ANK2: variants seen among roughly 807,000 people sequenced by gnomAD.
The protein encoded by ANK2 is ankyrin 2.
Under a neutral mutation model 360.5 loss-of-function variants are expected in ANK2, and 83 were observed. The ratio of observed to expected loss-of-function variants is 0.23; its 90% confidence interval spans 0.19 to 0.28. ANK2 has a LOEUF of 0.28. Ranked by LOEUF, ANK2 falls within the 10% of genes least tolerant of loss-of-function variation. The pLI, the probability that ANK2 is intolerant of heterozygous loss-of-function variation, is 1.00. For synonymous variants in ANK2, 1,740 were observed against 1,759.5 expected (o/e 0.99, Z 0.28); for missense variants, 4,201 against 4,795.7 (o/e 0.88, Z 3.66).
At chr4:112,738,717 A>G in the ANK2 span, 1 of 613,098 alleles carries the variant, frequency 1.6e-6, no homozygotes, top group African/African-American at 1.8e-5. Flanking sequence ...CATTAAAAAG[A>G]GAACCAAGAA....
intron 1 of ANK2, among the ~76,000 whole-genome samples, chr4:113,089,185 G>A (rs6819998): frequency 0.2 from 30,498 of 152,086 alleles, 3,530 homozygotes; most frequent in East Asian, 0.59. Context: ...AGATTAAATG[G>A]TGGGAAATAG....
intron 4 of ANK2, among the ~76,000 whole-genome samples, chr4:113,218,196 T>G (rs972032337): frequency 1.3e-5 from 2 of 152,204 alleles, no homozygotes; most frequent in Admixed American, 6.5e-5. Context: ...TAATATGATA[T>G]GAAACAAGAC....
chr4:112,902,220 G>T (rs1216761876), intron 1 of ANK2, among the ~76,000 whole-genome samples: 3 of 152,240 alleles, frequency 2.0e-5, no homozygotes, highest in African/African-American at 7.2e-5. Flanking sequence ...ATGGGAGCTG[G>T]AAGCAAGGAC....
intron 2 of ANK2, among the ~76,000 whole-genome samples, chr4:113,192,071 T>A (rs984881509): frequency 8.5e-5 from 13 of 152,336 alleles, no homozygotes; most frequent in South Asian, 6.2e-4. Context: ...TTTTCTTTTT[T>A]AAAAAATTTT....
chr4:113,339,934 G>A (rs146072924), intron 32 of ANK2, among the ~76,000 whole-genome samples: 6 of 152,324 alleles, frequency 3.9e-5, no homozygotes, highest in African/African-American at 1.4e-4. Context: ...GAGACATTAT[G>A]TCCATTTTAC....
In ANK2 at chr4:113,355,268, G is replaced by A. The variant is rs776114267; in HGVS notation, c.6650G>A (p.Ser2217Asn). ...NEGVAGSPCGSLMEGTPQISS... is the reference protein window; with the variant it reads ...NEGVAGSPCGNLMEGTPQISS... ...GGGGTAGCCGGCTCTCCGTGTGGCA[G>A]CCTGATGGAGGGGACCCCTCAGATT... Residue 2217 changes from serine (S) to asparagine (N), a missense_variant, in exon 38 of 46, where the codon AGC (serine) becomes AAC (asparagine). Physicochemically the swap from Ser to Asn is conservative, Grantham distance 46. Around this residue, in one of 4 missense-constraint regions of ANK2, gnomAD observed 2,642 missense variants for 2,714.5 expected, o/e 0.97. Coordinates refer to ENST00000357077, the MANE Select transcript of ANK2 (RefSeq NM_001148.6). The A allele has an allele frequency of 6.2e-7, 1 of 1,614,056 alleles. No homozygotes were observed.
rs767977681 is a variant in ANK2 at position 113,288,511 on chromosome 4, A to G, written c.2277+25A>G. On this transcript the variant is annotated intron_variant, in intron 20 of 45. Coordinates refer to ENST00000357077, the MANE Select transcript of ANK2 (RefSeq NM_001148.6). ...GGTAAAGTACTTGTGGTCATTTTCA[A>G]TTCCTATAAGCAAAAAGGTTCAGCC... 5.7e-6 allele frequency: 9 copies of G among 1,591,218 alleles called. No individual in the cohort carries two copies. The African/African-American group carries it at 9.4e-5, about 17-fold the overall frequency.
intron 24 of ANK2, among the ~76,000 whole-genome samples, chr4:113,316,593 T>G (rs1269117545): frequency 6.6e-6 from 1 of 152,262 alleles, no homozygotes; most frequent in Non-Finnish European, 1.5e-5. Flanking sequence ...GAAAGTTTGC[T>G]TCTATAAATA....
chr4:113,145,505 G>T (rs1361012070), intron 1 of ANK2: 2 of 754,606 alleles, frequency 2.7e-6, no homozygotes, highest in Non-Finnish European at 3.3e-6. Context: ...CATGTGTGAG[G>T]CAGGCTGCTT....
intron 2 of ANK2, among the ~76,000 whole-genome samples, chr4:113,035,125 G>A (rs893208964): frequency 2.6e-5 from 4 of 151,056 alleles, no homozygotes; most frequent in African/African-American, 9.7e-5. Context: ...GATACCAAGA[G>A]TGGCTTTCAC....
At chr4:112,904,473 C>T (rs145350120) in exon 2 of ANK2, 2 of 1,495,122 alleles carry the variant, frequency 1.3e-6, no homozygotes, top group Non-Finnish European at 1.8e-6. Flanking sequence ...TGAAAAGAGA[C>T]ATGAAGAATT....
chr4:112,985,039 A>G, intron 2 of ANK2, among the ~76,000 whole-genome samples: 1 of 152,210 alleles, frequency 6.6e-6, no homozygotes, highest in East Asian at 1.9e-4. Context: ...AGGTTTTACA[A>G]TTAAACTCTT....
intron 2 of ANK2, among the ~76,000 whole-genome samples, chr4:112,932,026 A>G (rs967874914): frequency 4.6e-5 from 7 of 152,188 alleles, no homozygotes; most frequent in Non-Finnish European, 8.8e-5. Context: ...AGAACTAGCT[A>G]TTTATCAACA....
intron 2 of ANK2, among the ~76,000 whole-genome samples, chr4:113,012,385 C>A (rs757992658): frequency 6.6e-6 from 1 of 152,162 alleles, no homozygotes; most frequent in African/African-American, 2.4e-5. Flanking sequence ...CTAGTCTTCA[C>A]AGCTTATCCT....
At chr4:113,200,875 C>T (rs190622152) in intron 4 of ANK2, among the ~76,000 whole-genome samples, 79 of 118,312 alleles carry the variant, frequency 6.7e-4, no homozygotes, top group Non-Finnish European at 1.1e-3. Context: ...CATCACACGC[C>T]GGGGCCTGTC....
At chr4:113,078,117 T>C (rs2080876327) in intron 1 of ANK2, among the ~76,000 whole-genome samples, 4 of 152,234 alleles carry the variant, frequency 2.6e-5, no homozygotes, top group Admixed American at 2.6e-4. Context: ...TGTTAGGTGA[T>C]CGTGTTCCCA....
At chr4:113,046,941 G>A (rs1227186598), upstream of ANK2, among the ~76,000 whole-genome samples, 1 of 152,214 alleles carries the variant, frequency 6.6e-6, no homozygotes, top group African/African-American at 2.4e-5. Context: ...TTGCATTGCA[G>A]AGGTGATGTC....
rs888361265 is a variant in ANK2, at chr4:112,939,511, C to T, written c.21+34997C>T. The stretch of plus-strand genomic sequence containing the variant: ...TGTATTTTTAGTAGAGACAGGGTTT[C>T]GCCATGTTGGCCAGGCTGGTCTCAA... On this transcript the variant is annotated intron_variant, in intron 2 of 30. Transcript: ENST00000503271. Among the ~76,000 whole-genome samples, 6 of 151,306 alleles carry T rather than the reference C, an allele frequency of 4.0e-5. No homozygotes were observed. The East Asian group carries it at 5.8e-4, about 15-fold the overall frequency.
chr4:112,840,585 G>A (rs925120839), intron 1 of ANK2, among the ~76,000 whole-genome samples: 12 of 152,136 alleles, frequency 7.9e-5, no homozygotes, highest in African/African-American at 2.9e-4. Context: ...TGTCCAAAGA[G>A]GAAGAATATA....
Sources: allele counts gnomAD v4.1 joint callset (sites outside exome capture counted in the v4.1 genomes callset), GRCh38; gene constraint gnomAD v4.1.1; regional missense constraint gnomAD v4.1.1; transcripts MANE v1.5; gene names NCBI Gene and HGNC (gene_info 2026-07-23, HGNC 2026-07-21).